ZBTB8B: variants seen among roughly 807,000 people sequenced by gnomAD.
The protein encoded by ZBTB8B is zinc finger and BTB domain containing 8B.
Under a neutral mutation model 30.3 loss-of-function variants are expected in ZBTB8B, and 17 were observed. The ratio of observed to expected loss-of-function variants is 0.56; its 90% CI spans 0.38 to 0.84. ZBTB8B has a LOEUF of 0.84. ZBTB8B is among the 40% of genes least tolerant of loss of function. ZBTB8B has a pLI of 0.00. For missense variants in ZBTB8B, 515 were observed against 644.9 expected, an observed-to-expected ratio of 0.80 and a Z score of 2.18; for synonymous variants, 248 against 255.6, an observed-to-expected ratio of 0.97 and a Z score of 0.28.
intron 2 of ZBTB8B, among the ~76,000 whole-genome samples, chr1:32,475,410 G>A (rs12135475): frequency 2.0e-5 from 3 of 151,770 alleles, no homozygotes; most frequent in South Asian, 2.1e-4. Context: ...GGTGAAACCC[G>A]GTCTCTACTA....
Position 32,491,965 on chromosome 1 carries a change from T to C in ZBTB8B, c.*6547T>C, listed in dbSNP as rs1195047476. The stretch of plus-strand genomic sequence containing the variant: ...TAACAGATATTACACCTAATTCCTA[T>C]AGAATATAGCCAGAGGAATTTCCTA... On this transcript the variant is annotated 3_prime_UTR_variant, in exon 4 of 4. Coordinates refer to ENST00000609129, the MANE Select transcript of ZBTB8B (RefSeq NM_001145720.2). 1.3e-5 allele frequency: 2 copies of C among 152,224 alleles called. No individual in the cohort carries two copies. Among genetic ancestry groups the C allele is most frequent in the Non-Finnish European group, 2.9e-5 (2 of 68,044 alleles). The allele number at this position is 152,224 out of a possible 1,614,324, so 9.4% of individuals were successfully genotyped here.
In ZBTB8B at chr1:32,496,058, C is replaced by A. The variant is rs919480012; in HGVS notation, c.*10640C>A. ...AGATTTTAGTTAAGGAAAAAAATAA[C>A]CCCACAAAATAAAGAGAACTATTAG... is the stretch of plus-strand genomic sequence containing the variant. On this transcript the variant is annotated 3_prime_UTR_variant, in exon 4 of 4. Transcript: ENST00000609129. The A allele has an allele frequency of 6.6e-6, 1 of 151,874 alleles. No homozygotes were observed. Among genetic ancestry groups the A allele is most frequent in the African/African-American group, 2.4e-5 (1 of 41,336 alleles). 9.4% of individuals were successfully genotyped at this position (151,874 alleles called of 1,614,324 possible).
At chr1:32,476,688 C>T (rs1415666631) in intron 2 of ZBTB8B, among the ~76,000 whole-genome samples, 1 of 151,644 alleles carries the variant, frequency 6.6e-6, no homozygotes, top group Non-Finnish European at 1.5e-5. Flanking sequence ...ACTCGGGAGA[C>T]TGAGGCAGAA....
chr1:32,481,913 C>A (rs1643708155), intron 3 of ZBTB8B, among the ~76,000 whole-genome samples: 1 of 152,168 alleles, frequency 6.6e-6, no homozygotes, highest in African/African-American at 2.4e-5. Context: ...CCAGCTCTAT[C>A]CATGTTCCCA....
Position 32,471,049 on chromosome 1 carries a change from C to T in ZBTB8B, c.425C>T (p.Ala142Val), listed in dbSNP as rs1347288029. ...AAVAAAVAAA[A>V]AAAAAAAAAA... ...GTGGCTGCAGCAGTGGCGGCGGCAG[C>T]GGCGGCGGCTGCAGCGGCGGCAGCA... Residue 142 changes from alanine to valine, a missense_variant, in exon 2 of 4, where the codon GCG becomes GTG. Ala to Val is a moderately conservative substitution (Grantham distance 64). Around this residue, in one of 3 missense-constraint regions of ZBTB8B, gnomAD observed 429 missense variants for 504.3 expected, o/e 0.85. Transcript: ENST00000609129. The T allele has an allele frequency of 1.9e-6, 3 of 1,549,108 alleles. No individual in the cohort carries two copies. Among genetic ancestry groups the T allele is most frequent in the African/African-American group, 1.4e-5 (1 of 73,060 alleles).
Position 32,484,081 on chromosome 1 carries a change from G to A in ZBTB8B, c.1171-1020G>A, listed in dbSNP as rs1339366219. Among the ~76,000 whole-genome samples the A allele has an allele frequency of 6.6e-6, 1 of 151,708 alleles. No individual in the cohort carries two copies. Among genetic ancestry groups the A allele is most frequent in the Non-Finnish European group, 1.5e-5 (1 of 67,944 alleles). On this transcript the variant is annotated intron_variant, in intron 3 of 3. Transcript: ENST00000609129. The surrounding 1 kb of genome is among the most constrained non-coding windows in gnomAD (Gnocchi z 4.5). ...TAGCCAGGCATGATGATATGTGGGC[G>A]CCTGTGGTCCCAGCTGCTTGGGAGG...
chr1:32,474,683 A>G (rs1643649582), intron 2 of ZBTB8B, among the ~76,000 whole-genome samples: 1 of 152,230 alleles, frequency 6.6e-6, no homozygotes, highest in Admixed American at 6.5e-5. Flanking sequence ...TGTGTGTATA[A>G]TGGCATTTCA....
chr1:32,471,074 A>G lies in ZBTB8B; in HGVS notation c.450A>G (p.Ala150=), dbSNP rs574901980. The change falls in exon 2 of 4, where the codon GCA becomes GCG. Residue 150 remains alanine, a synonymous_variant. Transcript: ENST00000609129. ...AAAAAAAAAA[A]AAAHQVDSES... ...CGGCGGCGGCTGCAGCGGCGGCAGC[A>G]GCGGCGGCTCATCAGGTTGACAGTG... 4.1e-5 allele frequency: 63 copies of G among 1,545,164 alleles called. No individual in the cohort carries two copies. The highest frequency in any genetic ancestry group is 1.7e-4 in the Middle Eastern group (1 of 5,990).
chr1:32,484,876 G>A lies in ZBTB8B; in HGVS notation c.1171-225G>A, dbSNP rs1423034708. The stretch of plus-strand genomic sequence containing the variant: ...CATCATGCTTCCTGTACAGCCTGTG[G>A]AACTGTGAGCCAATTAAACCTCTTT... On this transcript the variant is annotated intron_variant, in intron 3 of 3. Transcript: ENST00000609129. The surrounding 1 kb of genome is among the most constrained non-coding windows in gnomAD (Gnocchi z 4.5). 3.9e-5 allele frequency among the ~76,000 whole-genome samples: 6 copies of A among 152,076 alleles called. No homozygotes were observed. Among genetic ancestry groups the A allele is most frequent in the Non-Finnish European group, 7.3e-5 (5 of 68,034 alleles).
In ZBTB8B at chr1:32,495,973, T is replaced by A. The variant is rs540491676; in HGVS notation, c.*10555T>A. 1 of 152,268 alleles carries A rather than the reference T, an allele frequency of 6.6e-6. No homozygotes were observed. Among genetic ancestry groups the A allele is most frequent in the East Asian group, 1.9e-4 (1 of 5,186 alleles). 9.4% of individuals were successfully genotyped at this position (152,268 alleles called of 1,614,324 possible). On this transcript the variant is annotated 3_prime_UTR_variant, in exon 4 of 4. Coordinates refer to ENST00000609129, the MANE Select transcript of ZBTB8B (RefSeq NM_001145720.2). ...AGTGAATAACCCTTCATAATTTTAGTTACTGTTTTTCTCAGGGCAATTATT... is the reference window on the plus strand; with the variant it reads ...AGTGAATAACCCTTCATAATTTTAGATACTGTTTTTCTCAGGGCAATTATT...
At position 32,490,496 on chromosome 1, in the gene ZBTB8B, ATGT is replaced by A. The variant is rs1462989896; in HGVS notation, c.*5080_*5082del. ...AAATTTGAATTCTTTTCTTCAAATG[ATGT>A]TTCTGTAGAGAAAAACGAAAAGTGT... is the stretch of plus-strand genomic sequence containing the variant. On this transcript the variant is annotated 3_prime_UTR_variant, in exon 4 of 4. Coordinates refer to ENST00000609129, the MANE Select transcript of ZBTB8B (RefSeq NM_001145720.2). The A allele has an allele frequency of 6.6e-6, 1 of 152,212 alleles. No homozygotes were observed. Among genetic ancestry groups the A allele is most frequent in the Non-Finnish European group, 1.5e-5 (1 of 68,040 alleles). The allele number at this position is 152,212 out of a possible 1,614,324, so 9.4% of individuals were successfully genotyped here.
intron 2 of ZBTB8B, among the ~76,000 whole-genome samples, chr1:32,474,032 G>A (rs1275256095): frequency 3.3e-5 from 5 of 151,278 alleles, no homozygotes; most frequent in African/African-American, 4.9e-5. Flanking sequence ...TGTAGTTTTA[G>A]TAGAGATGAG....
At chr1:32,467,412 C>T (rs1349011306) in intron 1 of ZBTB8B, among the ~76,000 whole-genome samples, 1 of 151,924 alleles carries the variant, frequency 6.6e-6, no homozygotes, top group Non-Finnish European at 1.5e-5. Context: ...CCACCATGCC[C>T]AGCTAATTTT....
chr1:32,479,859 T>A (rs1012035478), intron 2 of ZBTB8B, among the ~76,000 whole-genome samples: 1 of 152,196 alleles, frequency 6.6e-6, no homozygotes, highest in African/African-American at 2.4e-5. Context: ...AGGGAATAAA[T>A]TGGAAAAAGA....
chr1:32,485,057 A>G (rs1240179368), intron 3 of ZBTB8B, 44 bp from the exon 4 acceptor site: 1 of 1,535,292 alleles, frequency 6.5e-7, no homozygotes, highest in Admixed American at 2.0e-5. Flanking sequence ...GAAAACACTC[A>G]TCTCCTTTTC....
Position 32,470,513 on chromosome 1 carries a change from A to AAAAAAG in ZBTB8B, c.-41-66_-41-65insGAAAAA, listed in dbSNP as rs1553170369. 56 of 1,091,414 alleles carry AAAAAAG rather than the reference A, an allele frequency of 5.1e-5. No individual in the cohort carries two copies. In the East Asian group the frequency reaches 1.2e-3, roughly 24 times the overall value. 67.6% of individuals were successfully genotyped at this position (1,091,414 alleles called of 1,614,324 possible). The stretch of plus-strand genomic sequence containing the variant: ...AGACGCTGACTCAAAAAAAAAAAAA[A>AAAAAAG]AAAAAAAAAAAAAGAAATCTTGTTT... On this transcript the variant is annotated intron_variant, in intron 1 of 3. Transcript: ENST00000609129.
rs1643814993 is a variant in ZBTB8B at position 32,496,053 on chromosome 1, A to C, written c.*10635A>C. On this transcript the variant is annotated 3_prime_UTR_variant, in exon 4 of 4. Transcript: ENST00000609129. ...GGACAAGATTTTAGTTAAGGAAAAA[A>C]ATAACCCCACAAAATAAAGAGAACT... is the stretch of plus-strand genomic sequence containing the variant. 1 of 152,186 alleles carries C rather than the reference A, an allele frequency of 6.6e-6. No individual in the cohort carries two copies. 9.4% of individuals were successfully genotyped at this position (152,186 alleles called of 1,614,324 possible). A position where few individuals can be genotyped will look rare whatever the true frequency, so the allele number is the denominator to read the frequency against.
At chr1:32,483,420 G>A (rs1055627822) in intron 3 of ZBTB8B, among the ~76,000 whole-genome samples, 3 of 151,332 alleles carry the variant, frequency 2.0e-5, no homozygotes, top group Admixed American at 2.0e-4. Flanking sequence ...GCAAGACGGC[G>A]TCTCAAAAAA....
rs1229099048 is a variant in ZBTB8B, at chr1:32,493,086, A to T, written c.*7668A>T. ...TATGTGTTTTATTCAGTTATGCAAA[A>T]ATATATACTATACATAGAATATCAG... is the stretch of plus-strand genomic sequence containing the variant. On this transcript the variant is annotated 3_prime_UTR_variant, in exon 4 of 4. Coordinates refer to ENST00000609129, the MANE Select transcript of ZBTB8B (RefSeq NM_001145720.2). 1 of 152,212 alleles carries T rather than the reference A, an allele frequency of 6.6e-6. No homozygotes were observed. The highest frequency in any genetic ancestry group is 1.5e-5 in the Non-Finnish European group (1 of 68,036). The allele number at this position is 152,212 out of a possible 1,614,324, so 9.4% of individuals were successfully genotyped here.
Sources: allele counts gnomAD v4.1 joint callset (sites outside exome capture counted in the v4.1 genomes callset), GRCh38; gene constraint gnomAD v4.1.1; regional missense constraint gnomAD v4.1.1; non-coding constraint Gnocchi (gnomAD v3.1); transcripts MANE v1.5; gene names NCBI Gene and HGNC (gene_info 2026-07-23, HGNC 2026-07-21).